The following ITGB8 variants were observed in gnomAD, a reference collection of about 807,000 sequenced individuals.
ITGB8 encodes the protein integrin subunit beta 8, also known as integrin beta-8.
ITGB8 carries 30 observed loss-of-function variants against 89.5 expected under a neutral mutation model. The observed-to-expected ratio is 0.34, with a 90% CI of 0.25 to 0.45. ITGB8 has a LOEUF of 0.45. ITGB8 is among the 20% of genes least tolerant of loss of function. The pLI, the probability that ITGB8 is intolerant of heterozygous loss-of-function variation, is 1.00. For missense variants in ITGB8, 836 were observed against 933.3 expected (o/e 0.90, Z 1.36); for synonymous variants, 335 against 320.4 (o/e 1.05, Z -0.49).
chr7:20,338,069 G>A (rs991039781), intron 1 of ITGB8, among the ~76,000 whole-genome samples: 5 of 152,158 alleles, frequency 3.3e-5, no homozygotes, highest in African/African-American at 1.2e-4. Flanking sequence ...GAGAAGAGGG[G>A]AAGATAATGG....
chr7:20,361,781 A>G (rs1375585843), intron 1 of ITGB8, among the ~76,000 whole-genome samples: 2 of 152,198 alleles, frequency 1.3e-5, no homozygotes, highest in African/African-American at 2.4e-5. Flanking sequence ...TTGGCAGCCT[A>G]CAACAGATGG....
rs1787901867 is a variant in ITGB8, at chr7:20,415,646, A to G, written c.*5649A>G. 1 of 152,578 alleles carries G rather than the reference A, an allele frequency of 6.6e-6. No individual in the cohort carries two copies. The highest frequency in any genetic ancestry group is 2.4e-5 in the African/African-American group (1 of 41,436). The allele number at this position is 152,578 out of a possible 1,614,324, so 9.5% of individuals were successfully genotyped here. A position where few individuals can be genotyped will look rare whatever the true frequency, so the allele number is the denominator to read the frequency against. On this transcript the variant is annotated 3_prime_UTR_variant, in exon 14 of 14. Transcript: ENST00000222573. ...GGTGAGATGTTTATTTTTCTAACAG[A>G]GCTTATAACAGTTAGGACAAGGCAT...
chr7:20,353,856 C>T lies in ITGB8; in HGVS notation c.128-9781C>T, dbSNP rs1394733312. Among the ~76,000 whole-genome samples, 6 of 122,408 alleles carry T rather than the reference C, an allele frequency of 4.9e-5. No individual in the cohort carries two copies. In the Admixed American group the frequency reaches 5.4e-4, roughly 11 times the overall value. The allele number at this position is 122,408 out of a possible 152,430, so 80.3% of individuals were successfully genotyped here. On this transcript the variant is annotated intron_variant, in intron 1 of 13. Coordinates refer to ENST00000222573, the MANE Select transcript of ITGB8 (RefSeq NM_002214.3). ...CTGAGGCAGGAGAATGGCGTGAACC[C>T]GGGAGGCGAAGCTTGCAGTGAGCCG... is the stretch of plus-strand genomic sequence containing the variant.
chr7:20,366,834 G>A, intron 2 of ITGB8, 178 bp from the exon 3 acceptor site: 1 of 536,124 alleles, frequency 1.9e-6, no homozygotes, highest in Non-Finnish European at 3.2e-6. Context: ...GGTTTTAGAT[G>A]CAGAAAGTTG....
chr7:20,343,299 A>G (rs1216852312), intron 1 of ITGB8, among the ~76,000 whole-genome samples: 1 of 152,192 alleles, frequency 6.6e-6, no homozygotes, highest in African/African-American at 2.4e-5. Flanking sequence ...CAGATAATGT[A>G]TATTTGGGAA....
chr7:20,384,568 G>A (rs1188138176), intron 6 of ITGB8, among the ~76,000 whole-genome samples: 1 of 152,218 alleles, frequency 6.6e-6, no homozygotes, highest in Non-Finnish European at 1.5e-5. Flanking sequence ...CAGCAGGACT[G>A]AGGGTCAGAA....
In ITGB8 at chr7:20,381,884, T is replaced by C. The variant is rs202112669; in HGVS notation, c.959T>C (p.Met320Thr). The C allele has an allele frequency of 1.2e-5, 20 of 1,610,716 alleles. No individual in the cohort carries two copies. The East Asian group carries it at 4.0e-4, about 32-fold the overall frequency. Residue 320 changes from methionine (M) to threonine (T), a missense_variant and splice_region_variant, in exon 6 of 14, where the codon ATG becomes ACG. Met to Thr is a moderately conservative substitution (Grantham distance 81). Around this residue, in one of 5 missense-constraint regions of ITGB8, gnomAD observed 192 missense variants for 267.1 expected, o/e 0.72. Transcript: ENST00000222573. ...KNNVYVKSTT[M>T]EHPSLGQLSE... ...AACGTCTATGTCAAATCGACAACCATGGTAATGCAGCAGTAACCGCTTAGT... is the reference window on the plus strand; with the variant it reads ...AACGTCTATGTCAAATCGACAACCACGGTAATGCAGCAGTAACCGCTTAGT...
intron 1 of ITGB8, among the ~76,000 whole-genome samples, chr7:20,357,251 A>G (rs1436340148): frequency 6.6e-6 from 1 of 152,174 alleles, no homozygotes; most frequent in Non-Finnish European, 1.5e-5. Context: ...GATTGGATGG[A>G]TGTGTATATA....
chr7:20,377,182 A>G (rs1433873718), intron 3 of ITGB8: 1 of 152,268 alleles, frequency 6.6e-6, no homozygotes, highest in Non-Finnish European at 1.5e-5. Context: ...GGTCCCTGGC[A>G]CAATATGCTG....
At chr7:20,404,881 A>C (rs1335411370) in intron 11 of ITGB8, 28 bp downstream of exon 11, 4 of 1,585,736 alleles carry the variant, frequency 2.5e-6, no homozygotes, top group Non-Finnish European at 3.5e-6. Context: ...CCAAACATAC[A>C]CAAAGAATAG....
At chr7:20,368,376 C>T (rs2127948619) in intron 3 of ITGB8, among the ~76,000 whole-genome samples, 1 of 152,258 alleles carries the variant, frequency 6.6e-6, no homozygotes, top group East Asian at 1.9e-4. Context: ...CGTTCTCGTA[C>T]ACCTAATTCC....
intron 8 of ITGB8, among the ~76,000 whole-genome samples, chr7:20,398,656 A>T (rs1008238404): frequency 6.6e-6 from 1 of 152,230 alleles, no homozygotes; most frequent in East Asian, 1.9e-4. Context: ...GAATGCAGAT[A>T]ATCTAATCCT....
At chr7:20,332,127 G>A in intron 1 of ITGB8, 194 bp downstream of exon 1, 2 of 1,189,988 alleles carry the variant, frequency 1.7e-6, no homozygotes, top group South Asian at 1.8e-5. Flanking sequence ...GCCCTGGAGC[G>A]ACAGCAAGGA....
At chr7:20,398,675 T>C (rs1312227793) in intron 8 of ITGB8, among the ~76,000 whole-genome samples, 185 bp from the exon 9 acceptor site, 1 of 152,218 alleles carries the variant, frequency 6.6e-6, no homozygotes, top group Non-Finnish European at 1.5e-5. Context: ...CTTCAGTATT[T>C]CTTATGTATT....
In ITGB8 at chr7:20,396,731, T is replaced by A. The variant is rs544867355; in HGVS notation, c.1146+1746T>A. Among the ~76,000 whole-genome samples, 3 of 152,302 alleles carry A rather than the reference T, an allele frequency of 2.0e-5. No homozygotes were observed. In the South Asian group the frequency reaches 6.2e-4, roughly 32 times the overall value. On this transcript the variant is annotated intron_variant, in intron 8 of 13. Transcript: ENST00000222573. ...TGCTGTAAGAAACCACTCTAAATTC[T>A]TTAGTATGAACCCATTTATTACTCC...
intron 7 of ITGB8, 31 bp downstream of exon 7, chr7:20,391,529 A>AT (rs759860187): frequency 2.6e-6 from 3 of 1,173,454 alleles, no homozygotes; most frequent in Admixed American, 2.2e-5. Context: ...TTAAAATTAA[A>AT]TTTTTTTCAT....
intron 10 of ITGB8, among the ~76,000 whole-genome samples, chr7:20,404,399 G>C (rs549950578): frequency 1.3e-5 from 2 of 152,336 alleles, no homozygotes; most frequent in East Asian, 1.9e-4. Flanking sequence ...CTTCGTGCTT[G>C]TTAGCGGAGT....
chr7:20,337,367 C>T (rs1784610632), intron 1 of ITGB8, among the ~76,000 whole-genome samples: 1 of 152,166 alleles, frequency 6.6e-6, no homozygotes, highest in South Asian at 2.1e-4. Flanking sequence ...TATTCTAACT[C>T]CTTTAATGAC....
chr7:20,359,170 A>G (rs1023764285), intron 1 of ITGB8, among the ~76,000 whole-genome samples: 9 of 152,164 alleles, frequency 5.9e-5, no homozygotes, highest in Admixed American at 2.0e-4. Context: ...CTAAGGCAGT[A>G]CATTTTTTTT....
Sources: allele counts gnomAD v4.1 joint callset (sites outside exome capture counted in the v4.1 genomes callset), GRCh38; gene constraint gnomAD v4.1.1; regional missense constraint gnomAD v4.1.1; transcripts MANE v1.5; gene names NCBI Gene and HGNC (gene_info 2026-07-23, HGNC 2026-07-21).